Variants in SYNRG observed in about 807,000 individuals in gnomAD.
The protein encoded by SYNRG is AP1 gamma subunit binding protein 1.
Under a neutral mutation model 130.9 loss-of-function variants are expected in SYNRG, and 37 were observed. That is an observed-to-expected ratio of 0.28 (90% CI 0.22 to 0.37). SYNRG has a LOEUF of 0.37. Ranked by LOEUF, SYNRG falls within the 10% of genes least tolerant of loss-of-function variation. The probability of loss-of-function intolerance (pLI) is 1.00; values close to 1 mark genes in which losing one functional copy is unlikely to be tolerated. For missense variants in SYNRG, 1,338 were observed against 1,588.9 expected (o/e 0.84, Z 2.68); for synonymous variants, 539 against 568.1 (o/e 0.95, Z 0.73).
intron 3 of SYNRG, among the ~76,000 whole-genome samples, chr17:37,594,797 A>G (rs2062611314): frequency 6.6e-6 from 1 of 152,040 alleles, no homozygotes; most frequent in Non-Finnish European, 1.5e-5. Flanking sequence ...ACACATCCCT[A>G]TGTGGTTTAC....
intron 9 of SYNRG, 95 bp downstream of exon 9, chr17:37,571,696 G>A: frequency 8.9e-7 from 1 of 1,121,076 alleles, no homozygotes; most frequent in Non-Finnish European, 1.3e-6. Flanking sequence ...AAATTTTAAT[G>A]TACAAGGAGT....
intron 1 of SYNRG, among the ~76,000 whole-genome samples, chr17:37,605,120 G>C (rs2063635248): frequency 6.6e-6 from 1 of 152,162 alleles, no homozygotes; most frequent in South Asian, 2.1e-4. Context: ...GGATAAACTT[G>C]CTCAATGCAG....
intron 18 of SYNRG, among the ~76,000 whole-genome samples, chr17:37,537,913 G>T (rs866452882): frequency 9.8e-5 from 15 of 152,342 alleles, no homozygotes; most frequent in African/African-American, 3.4e-4. Context: ...ACACTTTCCC[G>T]TTGGACTGAC....
At chr17:37,571,671 T>C in intron 9 of SYNRG, 120 bp downstream of exon 9, 1 of 877,750 alleles carries the variant, frequency 1.1e-6, no homozygotes, top group Non-Finnish European at 1.7e-6. Flanking sequence ...AAGTACTATA[T>C]CCTGAAAATG....
chr17:37,576,039 T>C (rs1195775445), intron 8 of SYNRG, among the ~76,000 whole-genome samples: 1 of 151,242 alleles, frequency 6.6e-6, no homozygotes, highest in African/African-American at 2.5e-5. Context: ...ATTGCTGAAG[T>C]AAATATTTGA....
At chr17:37,569,148 G>A (rs908902466) in intron 10 of SYNRG, among the ~76,000 whole-genome samples, 3 of 152,220 alleles carry the variant, frequency 2.0e-5, no homozygotes, top group African/African-American at 4.8e-5. Flanking sequence ...AGTGGCTCAC[G>A]CCTATAATCC....
intron 16 of SYNRG, among the ~76,000 whole-genome samples, chr17:37,539,485 C>T (rs1387393762): frequency 6.6e-6 from 1 of 152,156 alleles, no homozygotes; most frequent in African/African-American, 2.4e-5. Flanking sequence ...ATCCTCCCAC[C>T]TCAGCCTCCA....
At chr17:37,542,785 A>G (rs1294706835) in intron 14 of SYNRG, among the ~76,000 whole-genome samples, 2 of 152,224 alleles carry the variant, frequency 1.3e-5, no homozygotes, top group Non-Finnish European at 2.9e-5. Context: ...AGTTACCAAG[A>G]ACCATTTTCT....
intron 1 of SYNRG, among the ~76,000 whole-genome samples, chr17:37,603,624 A>G (rs986249879): frequency 6.6e-6 from 1 of 152,210 alleles, no homozygotes; most frequent in African/African-American, 2.4e-5. Context: ...GACCAGGCAC[A>G]TTGTCAAGAA....
intron 4 of SYNRG, among the ~76,000 whole-genome samples, chr17:37,586,156 C>A (rs2061675421): frequency 6.6e-6 from 1 of 152,072 alleles, no homozygotes; most frequent in Admixed American, 6.6e-5. Context: ...CCAAGCCTGG[C>A]TAATATTTTG....
At chr17:37,561,672 C>T (rs1441670484) in intron 11 of SYNRG, 83 bp from the exon 12 acceptor site, 3 of 998,882 alleles carry the variant, frequency 3.0e-6, no homozygotes, top group African/African-American at 3.2e-5. Context: ...AAATGGCAAA[C>T]AGGTATTTCA....
intron 8 of SYNRG, among the ~76,000 whole-genome samples, chr17:37,575,619 T>A (rs570544020): frequency 2.0e-5 from 3 of 151,688 alleles, no homozygotes; most frequent in Non-Finnish European, 4.4e-5. Flanking sequence ...GGCAGGCAGA[T>A]CACTTGAGCC....
chr17:37,561,112 G>GA, intron 13 of SYNRG, 83 bp downstream of exon 13: 1 of 1,145,438 alleles, frequency 8.7e-7, no homozygotes, highest in Middle Eastern at 2.2e-4. Context: ...AAAATAAAGG[G>GA]AATGCCACTG....
At chr17:37,527,764 C>T (rs1203816311) in intron 19 of SYNRG, among the ~76,000 whole-genome samples, 3 of 152,190 alleles carry the variant, frequency 2.0e-5, no homozygotes, top group Admixed American at 1.3e-4. Flanking sequence ...GGAACTCGAA[C>T]GTCTGCAGAT....
At chr17:37,556,236 G>A (rs983365715) in intron 13 of SYNRG, among the ~76,000 whole-genome samples, 2 of 152,030 alleles carry the variant, frequency 1.3e-5, no homozygotes, top group East Asian at 1.9e-4. Flanking sequence ...GGTCACCTGA[G>A]GTCTGGAGTT....
intron 13 of SYNRG, among the ~76,000 whole-genome samples, 155 bp downstream of exon 13, chr17:37,561,040 C>T (rs1389168916): frequency 1.3e-5 from 2 of 152,178 alleles, no homozygotes; most frequent in Non-Finnish European, 2.9e-5. Context: ...AACATCACTA[C>T]TATACCATAT....
intron 19 of SYNRG, among the ~76,000 whole-genome samples, chr17:37,527,307 C>G (rs892111847): frequency 6.6e-6 from 1 of 152,198 alleles, no homozygotes; most frequent in African/African-American, 2.4e-5. Context: ...CAACCCACTT[C>G]ACAAGATAAA....
chr17:37,544,793 A>G lies in SYNRG; in HGVS notation c.2609-2228T>C, dbSNP rs572477381. Reference sequence around the variant, plus strand: ...AGGGGATGATGCAGTTAAATACAGGACTATTCTTGGAGAGATACATTCAGA... The same window carrying G: ...AGGGGATGATGCAGTTAAATACAGGGCTATTCTTGGAGAGATACATTCAGA... On this transcript the variant is annotated intron_variant, in intron 14 of 21. Coordinates refer to ENST00000612223, the MANE Select transcript of SYNRG (RefSeq NM_007247.6). Among the ~76,000 whole-genome samples, 159 of 152,258 alleles carry G rather than the reference A, an allele frequency of 1.0e-3. 2 individuals are homozygous for G. The Middle Eastern group carries it at 0.024, about 23-fold the overall frequency.
chr17:37,607,828 G>A (rs1029277927), intron 1 of SYNRG, among the ~76,000 whole-genome samples: 6 of 151,352 alleles, frequency 4.0e-5, no homozygotes, highest in Admixed American at 6.6e-5. Context: ...ATGGTGGCGC[G>A]CACCTGTAAT....
Sources: gnomAD v4.1 joint callset for allele counts (sites outside exome capture counted in the v4.1 genomes callset) on GRCh38, gnomAD v4.1.1 for gene constraint, MANE v1.5 for transcripts, NCBI Gene and HGNC (gene_info 2026-07-23, HGNC 2026-07-21) for gene names.